Variants in ATG16L1 observed in about 807,000 individuals in gnomAD.
ATG16L1 encodes autophagy-related protein 16-1.
ATG16L1 carries 37 observed loss-of-function variants against 88.5 expected under a neutral mutation model. The observed-to-expected ratio is 0.42, with a 90% CI of 0.32 to 0.55. The LOEUF (loss-of-function observed/expected upper bound fraction) is 0.55. Among genes scored for constraint, ATG16L1 ranks in the 20% least tolerant of loss-of-function variants. ATG16L1 has a pLI of 0.13. For synonymous variants in ATG16L1, 301 were observed against 281.0 expected (o/e 1.07, Z -0.71); for missense variants, 554 against 752.8 (o/e 0.74, Z 3.09).
intron 14 of ATG16L1, 32 bp from the exon 15 acceptor site, chr2:233,292,096 G>A (rs774977469): frequency 2.3e-5 from 37 of 1,608,728 alleles, no homozygotes; most frequent in Middle Eastern, 1.7e-4. Flanking sequence ...TCTGGCCTAC[G>A]TTACATTTCT....
intron 2 of ATG16L1, among the ~76,000 whole-genome samples, chr2:233,256,921 C>T (rs180807456): frequency 2.0e-5 from 3 of 151,972 alleles, no homozygotes; most frequent in African/African-American, 7.3e-5. Flanking sequence ...AGGCTGGTCT[C>T]GAACTCTTGA....
At position 233,294,982 on chromosome 2, in the gene ATG16L1, T is replaced by C. The variant is rs1699711668; in HGVS notation, c.*632T>C. ...AAAATCTCCGTGTGGCTTTAAAAAA[T>C]GGTTTTTTGTTTTTTTGTTTTTTTG... On this transcript the variant is annotated 3_prime_UTR_variant, in exon 18 of 18. Transcript: ENST00000392017. 1.3e-5 allele frequency: 2 copies of C among 152,388 alleles called. No homozygotes were observed. The highest frequency in any genetic ancestry group is 4.8e-5 in the African/African-American group (2 of 41,440). The allele number at this position is 152,388 out of a possible 1,614,324, so 9.4% of individuals were successfully genotyped here.
chr2:233,264,923 C>G lies in ATG16L1; in HGVS notation c.421C>G (p.Leu141Val). 6.2e-7 allele frequency: 1 copy of G among 1,614,028 alleles called. No individual in the cohort carries two copies. Among genetic ancestry groups the G allele is most frequent in the Non-Finnish European group, 8.5e-7 (1 of 1,179,896 alleles). Reference sequence around the variant, plus strand: ...AGAATGTTTGCAGACTATCTCTGACCTGGAGACGGAGTGCCTAGACCTGCG... The same window carrying G: ...AGAATGTTTGCAGACTATCTCTGACGTGGAGACGGAGTGCCTAGACCTGCG... ...IAECLQTISD[L>V]ETECLDLRTK... Residue 141 changes from leucine (L) to valine (V), a missense_variant, in exon 5 of 18, where the codon CTG becomes GTG. Physicochemically the swap from Leu to Val is conservative, Grantham distance 32. Transcript: ENST00000392017.
At chr2:233,281,716 G>C (rs3828308) in intron 11 of ATG16L1, among the ~76,000 whole-genome samples, 9,891 of 152,266 alleles carry the variant, frequency 0.065, 393 homozygotes, top group South Asian at 0.14. Flanking sequence ...AGGAGGTTGG[G>C]CTGGGCGAGT....
intron 1 of ATG16L1, 32 bp from the exon 2 acceptor site, chr2:233,256,070 T>C (rs1194898610): frequency 6.4e-7 from 1 of 1,564,442 alleles, no homozygotes; most frequent in Non-Finnish European, 8.8e-7. Context: ...TTGTAATAAA[T>C]AACTTAGTTT....
chr2:233,273,077 G>A, intron 7 of ATG16L1, 25 bp downstream of exon 7: 3 of 1,593,984 alleles, frequency 1.9e-6, no homozygotes, highest in Non-Finnish European at 2.6e-6. Flanking sequence ...TTGGGCCAGG[G>A]AAAAGACAGC....
chr2:233,252,847 G>A (rs1183650504), intron 1 of ATG16L1, among the ~76,000 whole-genome samples: 2 of 152,158 alleles, frequency 1.3e-5, no homozygotes, highest in East Asian at 1.9e-4. Context: ...ATGGTCCTAA[G>A]GTGGTTCCAT....
rs1310028661 is a variant in ATG16L1 at position 233,283,110 on chromosome 2, A to G, written c.1203+357A>G. On this transcript the variant is annotated intron_variant, in intron 12 of 17. Coordinates refer to ENST00000392017, the MANE Select transcript of ATG16L1 (RefSeq NM_030803.7). ...CTAAAACCTAATTACCTAAAGTGGG[A>G]TATAGAAGTACAAATGGATGTATCA... 3 of 218,168 alleles carry G rather than the reference A, an allele frequency of 1.4e-5. No homozygotes were observed. In the East Asian group the frequency reaches 3.2e-4, roughly 23 times the overall value. 13.5% of individuals were successfully genotyped at this position (218,168 alleles called of 1,614,324 possible). A position where few individuals can be genotyped will look rare whatever the true frequency, so the allele number is the denominator to read the frequency against.
At chr2:233,276,863 C>T (rs1258689294) in intron 9 of ATG16L1, among the ~76,000 whole-genome samples, 1 of 152,162 alleles carries the variant, frequency 6.6e-6, no homozygotes, top group Non-Finnish European at 1.5e-5. Context: ...AGAAATTTCC[C>T]TGTGAAGAAT....
chr2:233,277,643 C>T lies in ATG16L1; in HGVS notation c.1030C>T (p.Arg344Cys). 1.2e-6 allele frequency: 2 copies of T among 1,613,950 alleles called. No individual in the cohort carries two copies. The highest frequency in any genetic ancestry group is 2.2e-5 in the East Asian group (1 of 44,874). Reference sequence around the variant, plus strand: ...GTTACTGGCCACTGGAGGCATGGACCGCAGGGTTAAGCTTTGGGAAGTATT... The same window carrying T: ...GTTACTGGCCACTGGAGGCATGGACTGCAGGGTTAAGCTTTGGGAAGTATT... Reference protein sequence around the residue: ...SRLLATGGMDRRVKLWEVFGE... With the variant: ...SRLLATGGMDCRVKLWEVFGE... The change falls in exon 10 of 18, where the codon CGC becomes TGC. Residue 344 changes from arginine (R) to cysteine (C), a missense_variant. This residue lies in a region of ATG16L1 where 370 missense variants were observed against 509.7 expected (regional missense o/e 0.73). Coordinates refer to ENST00000392017, the MANE Select transcript of ATG16L1 (RefSeq NM_030803.7).
chr2:233,270,512 A>G (rs1240743815), intron 6 of ATG16L1, among the ~76,000 whole-genome samples: 2 of 152,216 alleles, frequency 1.3e-5, no homozygotes, highest in Admixed American at 6.5e-5. Flanking sequence ...GTGAATGTGA[A>G]TTCTAACTTC....
At chr2:233,270,820 G>C (rs541391808) in intron 6 of ATG16L1, among the ~76,000 whole-genome samples, 1 of 152,308 alleles carries the variant, frequency 6.6e-6, no homozygotes, top group East Asian at 1.9e-4. Context: ...GTAGAAAAGA[G>C]TTTCCTTCGC....
intron 1 of ATG16L1, among the ~76,000 whole-genome samples, chr2:233,253,759 A>G (rs1696580668): frequency 6.6e-6 from 1 of 152,226 alleles, no homozygotes; most frequent in East Asian, 1.9e-4. Flanking sequence ...TAACAAAACT[A>G]AGAAGAAAGA....
chr2:233,281,248 C>A (rs1209334434), intron 11 of ATG16L1, 73 bp downstream of exon 11: 2 of 1,153,416 alleles, frequency 1.7e-6, no homozygotes, highest in African/African-American at 1.6e-5. Context: ...GAAATTATAA[C>A]ATAACTTACC....
chr2:233,288,775 C>T (rs568124271), intron 12 of ATG16L1: 5 of 519,196 alleles, frequency 9.6e-6, no homozygotes, highest in East Asian at 5.4e-5. Flanking sequence ...AGAAGTGCTG[C>T]GATGGGCAGA....
chr2:233,294,208 C>T (rs749033249), intron 17 of ATG16L1, 49 bp from the exon 18 acceptor site: 1 of 1,437,888 alleles, frequency 7.0e-7, no homozygotes, highest in Non-Finnish European at 9.5e-7. Context: ...ACCAAGATCT[C>T]ATCCCAAATG....
chr2:233,289,619 T>G (rs1348001714), intron 12 of ATG16L1, among the ~76,000 whole-genome samples: 1 of 152,192 alleles, frequency 6.6e-6, no homozygotes, highest in Non-Finnish European at 1.5e-5. Context: ...CTTGAACTCC[T>G]GGGCTCAAGC....
Position 233,281,190 on chromosome 2 carries a change from G to A in ATG16L1, c.1131+15G>A, listed in dbSNP as rs757421479. 14 of 1,545,902 alleles carry A rather than the reference G, an allele frequency of 9.1e-6. No homozygotes were observed. The highest frequency in any genetic ancestry group is 1.2e-5 in the Non-Finnish European group (14 of 1,143,634). ...TTGATAGTGCTGTAAGTATTGAATA[G>A]CTATGATTTTAAAGGTTTTTAGAAA... On this transcript the variant is annotated intron_variant, in intron 11 of 17. Transcript: ENST00000392017.
At chr2:233,254,260 G>C (rs926779100) in intron 1 of ATG16L1, among the ~76,000 whole-genome samples, 3 of 152,236 alleles carry the variant, frequency 2.0e-5, no homozygotes, top group Non-Finnish European at 4.4e-5. Context: ...AGTAATACCT[G>C]CCTGAGGGAC....
Sources: gnomAD v4.1 joint callset for allele counts (sites outside exome capture counted in the v4.1 genomes callset) on GRCh38, gnomAD v4.1.1 for gene constraint, gnomAD v4.1.1 regional missense constraint, MANE v1.5 for transcripts, NCBI Gene and HGNC (gene_info 2026-07-23, HGNC 2026-07-21) for gene names.